CDIN1: variants seen among roughly 807,000 people sequenced by gnomAD.
The protein encoded by CDIN1 is CDAN1-interacting nuclease 1.
A neutral mutation model predicts 45.3 loss-of-function variants in CDIN1; 33 were observed. The ratio of observed to expected loss-of-function variants is 0.73; its 90% confidence interval spans 0.55 to 0.97. CDIN1 has a LOEUF of 0.97. Among genes scored for constraint, CDIN1 ranks in the 50% least tolerant of loss-of-function variants. CDIN1 has a pLI of 0.00. For missense variants in CDIN1, 303 were observed against 339.4 expected (o/e 0.89, Z 0.84); for synonymous variants, 118 against 124.4 (o/e 0.95, Z 0.34).
At chr15:36,736,750 T>C (rs1442971431) in intron 10 of CDIN1, among the ~76,000 whole-genome samples, 1 of 152,178 alleles carries the variant, frequency 6.6e-6, no homozygotes. Flanking sequence ...TGTCTTGAAG[T>C]ACGTTTAAGG....
chr15:36,705,262 CTAGAAAACAAGATACTATCT>C (rs1036520558), intron 8 of CDIN1: 1 of 152,106 alleles, frequency 6.6e-6, no homozygotes, highest in Non-Finnish European at 1.5e-5. Context: ...CATTGAAGTG[CTAGAAAACAAGATACTATCT>C]AGTTCATCTC....
chr15:36,681,048 G>C (rs1300128938), intron 5 of CDIN1, among the ~76,000 whole-genome samples: 1 of 151,800 alleles, frequency 6.6e-6, no homozygotes, highest in Non-Finnish European at 1.5e-5. Flanking sequence ...GACAGAGAAA[G>C]AAAGAAAAAT....
At position 36,746,984 on chromosome 15, in the gene CDIN1, A is replaced by C. The variant is rs55896008; in HGVS notation, c.716+37023A>C. 6,830 of 398,264 alleles carry C rather than the reference A, an allele frequency of 0.017. 407 individuals are homozygous for C. Among genetic ancestry groups the C allele is most frequent in the African/African-American group, 0.13 (6,221 of 48,550 alleles). The allele number at this position is 398,264 out of a possible 1,614,324, so 24.7% of individuals were successfully genotyped here. ...AGGCTGGTGTGGAACTCCTGGGCTCAGCGATTCTTCTGCCTCAGCCACCCA... is the reference window on the plus strand; with the variant it reads ...AGGCTGGTGTGGAACTCCTGGGCTCCGCGATTCTTCTGCCTCAGCCACCCA... On this transcript the variant is annotated intron_variant, in intron 10 of 10. Transcript: ENST00000566621.
At chr15:36,774,161 T>TGTGCGC (rs1555407072) in intron 10 of CDIN1, among the ~76,000 whole-genome samples, 11 of 50,622 alleles carry the variant, frequency 2.2e-4, no homozygotes, top group Non-Finnish European at 5.3e-4. Context: ...TGTGTGTGTG[T>TGTGCGC]GTGCGCGCGC....
chr15:36,684,286 G>C lies in CDIN1; in HGVS notation c.347-7399G>C, dbSNP rs951950326. 7.9e-5 allele frequency among the ~76,000 whole-genome samples: 12 copies of C among 151,632 alleles called. No homozygotes were observed. In the South Asian group the frequency reaches 8.4e-4, roughly 11 times the overall value. Reference sequence around the variant, plus strand: ...TTTATTGAGAGTTTTTAGCATGAAGGGTTGTTGAATTTTGTCAAAGGCCTT... The same window carrying C: ...TTTATTGAGAGTTTTTAGCATGAAGCGTTGTTGAATTTTGTCAAAGGCCTT... On this transcript the variant is annotated intron_variant, in intron 5 of 10. Transcript: ENST00000566621.
At position 36,645,299 on chromosome 15, in the gene CDIN1, C is replaced by G. The variant is rs1383890216; in HGVS notation, c.212+12C>G. On this transcript the variant is annotated intron_variant, in intron 3 of 10. Transcript: ENST00000566621. ...AGTTATTACCAGAGGTATGACCTTCCTGCCCCACTAGAGGGTATCATAGTA... is the reference window on the plus strand; with the variant it reads ...AGTTATTACCAGAGGTATGACCTTCGTGCCCCACTAGAGGGTATCATAGTA... 3 of 1,541,048 alleles carry G rather than the reference C, an allele frequency of 1.9e-6. No homozygotes were observed. The South Asian group carries it at 3.6e-5, about 18-fold the overall frequency.
intron 10 of CDIN1, among the ~76,000 whole-genome samples, chr15:36,733,407 G>C (rs1252716598): frequency 6.6e-6 from 1 of 152,002 alleles, no homozygotes. Context: ...GAAAATCTGA[G>C]ACTCTCAGAA....
chr15:36,594,592 A>C (rs2037728958), intron 1 of CDIN1, among the ~76,000 whole-genome samples: 1 of 152,192 alleles, frequency 6.6e-6, no homozygotes, highest in African/African-American at 2.4e-5. Flanking sequence ...CTTTACCATG[A>C]AAAATTTGAT....
intron 10 of CDIN1, among the ~76,000 whole-genome samples, chr15:36,735,155 T>C (rs563034790): frequency 5.0e-4 from 76 of 152,320 alleles, no homozygotes; most frequent in Non-Finnish European, 5.9e-5. Context: ...AATGCCTCTG[T>C]GTGATAATGA....
intron 5 of CDIN1, among the ~76,000 whole-genome samples, chr15:36,670,031 G>C (rs2041389664): frequency 6.6e-6 from 1 of 151,984 alleles, no homozygotes; most frequent in African/African-American, 2.4e-5. Flanking sequence ...CTGCCTTCTG[G>C]AGAGAGGAGT....
At chr15:36,713,615 G>T (rs1229380135) in intron 10 of CDIN1, among the ~76,000 whole-genome samples, 1 of 152,148 alleles carries the variant, frequency 6.6e-6, no homozygotes, top group Non-Finnish European at 1.5e-5. Context: ...CTGAAGATCA[G>T]TTATTTAATA....
At chr15:36,629,979 C>A (rs2039614145) in intron 1 of CDIN1, among the ~76,000 whole-genome samples, 1 of 152,004 alleles carries the variant, frequency 6.6e-6, no homozygotes, top group Non-Finnish European at 1.5e-5. Flanking sequence ...TAGTAAATAT[C>A]TGGATTAAGT....
rs1246903581 is a variant in CDIN1, at chr15:36,809,877, T to G, written c.*1424T>G. 1 of 152,192 alleles carries G rather than the reference T, an allele frequency of 6.6e-6. No individual in the cohort carries two copies. The highest frequency in any genetic ancestry group is 6.6e-5 in the Admixed American group (1 of 15,266). 9.4% of individuals were successfully genotyped at this position (152,192 alleles called of 1,614,324 possible). ...GACACAAACCTGGTCCCAACATGTGTGGATTTTAACTCTGAGTGGGGTGCA... is the reference window on the plus strand; with the variant it reads ...GACACAAACCTGGTCCCAACATGTGGGGATTTTAACTCTGAGTGGGGTGCA... On this transcript the variant is annotated 3_prime_UTR_variant, in exon 11 of 11. Transcript: ENST00000566621.
intron 10 of CDIN1, among the ~76,000 whole-genome samples, chr15:36,735,453 A>G (rs1031497957): frequency 2.0e-5 from 3 of 152,086 alleles, no homozygotes; most frequent in Admixed American, 6.5e-5. Context: ...GTTATTTTAA[A>G]TATGCTTATC....
chr15:36,643,040 T>C (rs1423367056), intron 1 of CDIN1, among the ~76,000 whole-genome samples: 2 of 152,170 alleles, frequency 1.3e-5, no homozygotes, highest in African/African-American at 2.4e-5. Context: ...TTATATAAAA[T>C]TGGCTCTTTC....
At chr15:36,622,220 A>C (rs1490555014) in intron 1 of CDIN1, among the ~76,000 whole-genome samples, 2 of 152,194 alleles carry the variant, frequency 1.3e-5, no homozygotes, top group Non-Finnish European at 2.9e-5. Context: ...TTATATGCAA[A>C]ATAGGTCTTC....
chr15:36,650,255 G>A (rs950809885), intron 3 of CDIN1, among the ~76,000 whole-genome samples: 2 of 152,092 alleles, frequency 1.3e-5, no homozygotes, highest in African/African-American at 4.8e-5. Context: ...ATTTCACCAA[G>A]AATCTTTCCT....
intron 10 of CDIN1, among the ~76,000 whole-genome samples, chr15:36,784,751 CT>C (rs113450388): frequency 0.18 from 27,141 of 152,046 alleles, 4,516 homozygotes; most frequent in African/African-American, 0.44. Context: ...AATTCTCCCC[CT>C]TTAAAAAACA....
At chr15:36,581,129 AC>A (rs2037022016) in intron 1 of CDIN1, among the ~76,000 whole-genome samples, 1 of 152,222 alleles carries the variant, frequency 6.6e-6, no homozygotes, top group Non-Finnish European at 1.5e-5. Context: ...CAAAATTGAC[AC>A]ATAATTTAAT....
Sources: allele counts gnomAD v4.1 joint callset (sites outside exome capture counted in the v4.1 genomes callset), GRCh38; gene constraint gnomAD v4.1.1; transcripts MANE v1.5; gene names NCBI Gene and HGNC (gene_info 2026-07-23, HGNC 2026-07-21).